Variants in TFDP2 observed in about 807,000 individuals in gnomAD.
TFDP2 encodes the protein transcription factor Dp-2 (E2F dimerization partner 2).
TFDP2 carries 17 observed loss-of-function variants against 59.3 expected under a neutral mutation model. The observed-to-expected ratio is 0.29, with a 90% CI of 0.20 to 0.43. The LOEUF (loss-of-function observed/expected upper bound fraction) is 0.43. Among genes scored for constraint, TFDP2 ranks in the 20% least tolerant of loss-of-function variants. The pLI, the probability that TFDP2 is intolerant of heterozygous loss-of-function variation, is 1.00. For missense variants in TFDP2, 391 were observed against 528.8 expected, an observed-to-expected ratio of 0.74 and a Z score of 2.56; for synonymous variants, 180 against 194.7, an observed-to-expected ratio of 0.92 and a Z score of 0.63.
At chr3:142,096,244 ATATT>A (rs1272067003) in intron 2 of TFDP2, among the ~76,000 whole-genome samples, 2 of 152,184 alleles carry the variant, frequency 1.3e-5, no homozygotes, top group Admixed American at 1.3e-4. Context: ...AAACCAAAAT[ATATT>A]TAATTAAAAC....
chr3:142,040,680 G>T (rs7633321), intron 3 of TFDP2, among the ~76,000 whole-genome samples: 131,441 of 152,246 alleles, frequency 0.86, 57,116 homozygotes, highest in African/African-American at 0.97. Flanking sequence ...TCTGCCCACC[G>T]TGGCCTCCCA....
chr3:141,998,184 G>A (rs1409512362), intron 4 of TFDP2, among the ~76,000 whole-genome samples: 3 of 152,122 alleles, frequency 2.0e-5, no homozygotes, highest in Non-Finnish European at 2.9e-5. Flanking sequence ...CCTAAACTAG[G>A]ATAATGAGAG....
At chr3:142,098,827 A>G (rs1226225299) in intron 2 of TFDP2, among the ~76,000 whole-genome samples, 2 of 152,196 alleles carry the variant, frequency 1.3e-5, no homozygotes, top group East Asian at 1.9e-4. Flanking sequence ...GAAGGCCTAA[A>G]GATGGAAGAA....
At chr3:142,055,180 T>C (rs545086056) in intron 3 of TFDP2, among the ~76,000 whole-genome samples, 14 of 152,332 alleles carry the variant, frequency 9.2e-5, no homozygotes, top group African/African-American at 3.4e-4. Flanking sequence ...ATAAGAGAAA[T>C]GAGCTATTTT....
intron 3 of TFDP2, among the ~76,000 whole-genome samples, chr3:142,069,915 C>CT (rs920970519): frequency 1.0e-4 from 15 of 148,278 alleles, no homozygotes; most frequent in South Asian, 6.5e-4. Flanking sequence ...GGCCTTTTTT[C>CT]TTTTTTTTGA....
chr3:141,994,278 C>T (rs986678703), intron 5 of TFDP2: 1 of 152,168 alleles, frequency 6.6e-6, no homozygotes. Context: ...GAGATTCTTA[C>T]TTAACTAAGA....
chr3:141,984,598 T>C (rs1241082579), intron 6 of TFDP2, among the ~76,000 whole-genome samples: 1 of 152,170 alleles, frequency 6.6e-6, no homozygotes, highest in Non-Finnish European at 1.5e-5. Flanking sequence ...GTGGTAAATG[T>C]AGTGTTGTTG....
chr3:141,992,041 CAAA>C (rs563215187), intron 6 of TFDP2, among the ~76,000 whole-genome samples: 4 of 44,146 alleles, frequency 9.1e-5, no homozygotes, highest in Admixed American at 2.7e-4. Context: ...GACTCCATCT[CAAA>C]AAAAAAAAAA....
intron 8 of TFDP2, among the ~76,000 whole-genome samples, chr3:141,970,848 G>A (rs1939618422): frequency 6.6e-6 from 1 of 151,864 alleles, no homozygotes; most frequent in Non-Finnish European, 1.5e-5. Context: ...AATCACTTGA[G>A]ATCAGGAGTT....
At chr3:142,016,095 T>A (rs183276948) in intron 3 of TFDP2, among the ~76,000 whole-genome samples, 139 of 152,216 alleles carry the variant, frequency 9.1e-4, no homozygotes, top group African/African-American at 3.2e-3. Flanking sequence ...CATTGCAACC[T>A]CCATCTCCTG....
rs771209446 is a variant in TFDP2 at position 142,005,455 on chromosome 3, C to A, written c.172G>T (p.Val58Phe). Residue 58 changes from valine to phenylalanine, a missense_variant, in exon 4 of 13, where the codon GTT becomes TTT. This residue lies in a region of TFDP2 where 162 missense variants were observed against 206.8 expected (regional missense o/e 0.78). Coordinates refer to ENST00000489671, the MANE Select transcript of TFDP2 (RefSeq NM_001178139.2). ...PKTLGPINVNVGPQMIISTPQ... is the reference protein window; with the variant it reads ...PKTLGPINVNFGPQMIISTPQ... ...AATTTTCTTACCATTTGGGGTCCAACATTCACATTTATTGGTCCTAAGGTT... is the reference window on the plus strand; with the variant it reads ...AATTTTCTTACCATTTGGGGTCCAAAATTCACATTTATTGGTCCTAAGGTT... 3 of 1,607,238 alleles carry A rather than the reference C, an allele frequency of 1.9e-6. No individual in the cohort carries two copies. The highest frequency in any genetic ancestry group is 2.6e-6 in the Non-Finnish European group (3 of 1,176,268).
At chr3:142,134,453 T>C (rs966467110) in intron 1 of TFDP2, among the ~76,000 whole-genome samples, 5 of 152,068 alleles carry the variant, frequency 3.3e-5, no homozygotes, top group South Asian at 4.1e-4. Context: ...TGTAAGCTAA[T>C]TGCGCAAAAT....
intron 1 of TFDP2, among the ~76,000 whole-genome samples, chr3:142,131,617 T>TG (rs1421494989): frequency 6.7e-6 from 1 of 150,280 alleles, no homozygotes; most frequent in African/African-American, 2.5e-5. Context: ...AATAAACACT[T>TG]GGAGTATATA....
At chr3:141,998,475 G>A (rs1463587918) in intron 4 of TFDP2, among the ~76,000 whole-genome samples, 1 of 151,970 alleles carries the variant, frequency 6.6e-6, no homozygotes, top group Non-Finnish European at 1.5e-5. Context: ...AAATCAGCTG[G>A]GTGTTGTGGT....
chr3:142,101,762 T>G lies in TFDP2; in HGVS notation c.-13A>C. The stretch of plus-strand genomic sequence containing the variant: ...TTTTTGCCGTCATGTCAAACTGTAT[T>G]CTATTTAAGATTCTGTAAAGCCATT... On this transcript the variant is annotated 5_prime_UTR_variant, in exon 2 of 13. Transcript: ENST00000489671. 7.5e-7 allele frequency: 1 copy of G among 1,331,016 alleles called. No homozygotes were observed. The highest frequency in any genetic ancestry group is 9.9e-7 in the Non-Finnish European group (1 of 1,006,106). 82.5% of individuals were successfully genotyped at this position (1,331,016 alleles called of 1,614,324 possible).
At chr3:142,130,562 C>G (rs2062462051) in intron 1 of TFDP2, among the ~76,000 whole-genome samples, 1 of 151,456 alleles carries the variant, frequency 6.6e-6, no homozygotes, top group Non-Finnish European at 1.5e-5. Context: ...CATATGTATA[C>G]ATGTGCCATG....
At chr3:141,955,685 T>C (rs1389466219) in intron 11 of TFDP2, among the ~76,000 whole-genome samples, 1 of 152,232 alleles carries the variant, frequency 6.6e-6, no homozygotes, top group Non-Finnish European at 1.5e-5. Flanking sequence ...TTTGCTTACA[T>C]TGGATTTAAT....
chr3:141,984,491 C>G (rs1941856848), intron 6 of TFDP2, among the ~76,000 whole-genome samples: 1 of 151,244 alleles, frequency 6.6e-6, no homozygotes, highest in Non-Finnish European at 1.5e-5. Flanking sequence ...GAAACTCCGT[C>G]TCAAAAAAAA....
chr3:142,034,142 C>T (rs2108421587), intron 3 of TFDP2, among the ~76,000 whole-genome samples: 1 of 136,766 alleles, frequency 7.3e-6, no homozygotes, highest in Non-Finnish European at 1.5e-5. Flanking sequence ...GTTGCCCAGG[C>T]TGGAGTGCAA....
Sources: gnomAD v4.1 joint callset for allele counts (sites outside exome capture counted in the v4.1 genomes callset) on GRCh38, gnomAD v4.1.1 for gene constraint, gnomAD v4.1.1 regional missense constraint, MANE v1.5 for transcripts, NCBI Gene and HGNC (gene_info 2026-07-23, HGNC 2026-07-21) for gene names.